Variants in MED1 observed in about 807,000 individuals in gnomAD.
The protein encoded by MED1 is mediator of RNA polymerase II transcription subunit 1.
Under a neutral mutation model 121.3 loss-of-function variants are expected in MED1, and 17 were observed. That is an observed-to-expected ratio of 0.14 (90% CI 0.10 to 0.21). MED1 has a LOEUF of 0.21. Among genes scored for constraint, MED1 ranks in the 10% least tolerant of loss-of-function variants. The pLI is 1.00. For missense variants in MED1, 1,558 were observed against 1,919.4 expected, an observed-to-expected ratio of 0.81 and a Z score of 3.52; for synonymous variants, 661 against 694.4, an observed-to-expected ratio of 0.95 and a Z score of 0.76.
intron 6 of MED1, 33 bp downstream of exon 6, chr17:39,439,132 C>T (rs761167476): frequency 6.3e-7 from 1 of 1,583,828 alleles, no homozygotes; most frequent in Non-Finnish European, 8.6e-7. Flanking sequence ...CACTGTCTGT[C>T]AATATCAAGG....
chr17:39,437,972 G>A lies in MED1; in HGVS notation c.428+1193C>T, dbSNP rs145525292. Among the ~76,000 whole-genome samples the A allele has an allele frequency of 9.7e-4, 148 of 151,898 alleles. 1 individual carries two copies. The highest frequency in any genetic ancestry group is 3.4e-3 in the African/African-American group (140 of 41,464). On this transcript the variant is annotated intron_variant, in intron 6 of 16. Transcript: ENST00000300651. The stretch of plus-strand genomic sequence containing the variant: ...AAAATAAAAATAAAAAAACAGAAAA[G>A]GGGCCAGGTGCTCAGTGAGCCGAGA...
chr17:39,424,276 C>T lies in MED1; in HGVS notation c.851+351G>A, dbSNP rs539941148. On this transcript the variant is annotated intron_variant, in intron 11 of 16. Coordinates refer to ENST00000300651, the MANE Select transcript of MED1 (RefSeq NM_004774.4). ...CTGTGAAACTTCCTACCCCCAATTCCCAGACATGCTATTGGTTAACACTGT... is the reference window on the plus strand; with the variant it reads ...CTGTGAAACTTCCTACCCCCAATTCTCAGACATGCTATTGGTTAACACTGT... 2.0e-5 allele frequency among the ~76,000 whole-genome samples: 3 copies of T among 152,272 alleles called. No homozygotes were observed. The East Asian group carries it at 5.8e-4, about 29-fold the overall frequency.
chr17:39,408,370 T>C lies in MED1; in HGVS notation c.3851A>G (p.Gln1284Arg), dbSNP rs1443131452. 6.2e-7 allele frequency: 1 copy of C among 1,614,190 alleles called. No individual in the cohort carries two copies. The highest frequency in any genetic ancestry group is 1.7e-5 in the Admixed American group (1 of 60,020). The change falls in exon 17 of 17, where the codon CAG becomes CGG. Residue 1284 changes from glutamine to arginine, a missense_variant. This residue lies in a region of MED1 where 793 missense variants were observed against 898.2 expected (regional missense o/e 0.88). Coordinates refer to ENST00000300651, the MANE Select transcript of MED1 (RefSeq NM_004774.4). This position sits in a 1 kb window ranked among gnomAD's most constrained non-coding sequence, Gnocchi z 4.7. ...TCCTTTAGAACTCCCATGCTGGTTC[T>C]GAGAGGATGACATGGAAGAGCCACT... ...SSSGSSMSSS[Q>R]NQHGSSKGKS...
chr17:39,417,234 G>T (rs1463137051), intron 14 of MED1, among the ~76,000 whole-genome samples: 3 of 152,038 alleles, frequency 2.0e-5, no homozygotes, highest in African/African-American at 4.8e-5. Flanking sequence ...GGAGGCTGAA[G>T]CAAGAGAATT....
intron 9 of MED1, 21 bp downstream of exon 9, chr17:39,431,094 A>C (rs753458987): frequency 6.3e-7 from 1 of 1,588,768 alleles, no homozygotes; most frequent in Non-Finnish European, 8.6e-7. Context: ...GTTTCTAAAC[A>C]AGCAAAATAG....
At position 39,418,448 on chromosome 17, in the gene MED1, G is replaced by A. The variant is rs974217944; in HGVS notation, c.1297+1269C>T. On this transcript the variant is annotated intron_variant, in intron 14 of 16. Transcript: ENST00000300651. Reference sequence around the variant, plus strand: ...CTTGGGAGGCTAAGGCAGGAGGATCGCTTGAGCCAAGGAGGTAGAGGCAGC... The same window carrying A: ...CTTGGGAGGCTAAGGCAGGAGGATCACTTGAGCCAAGGAGGTAGAGGCAGC... 4.6e-5 allele frequency among the ~76,000 whole-genome samples: 7 copies of A among 151,764 alleles called. No homozygotes were observed. The East Asian group carries it at 7.7e-4, about 17-fold the overall frequency.
At chr17:39,423,601 G>A in intron 12 of MED1, 96 bp downstream of exon 12, 2 of 1,532,716 alleles carry the variant, frequency 1.3e-6, no homozygotes, top group South Asian at 2.3e-5. Context: ...ATACTTCAAT[G>A]AGGCATGTAA....
chr17:39,421,246 AAAAAAAG>A (rs781239993), intron 13 of MED1, among the ~76,000 whole-genome samples: 7,257 of 137,630 alleles, frequency 0.053, 182 homozygotes, highest in Non-Finnish European at 0.078. Context: ...AGCAAAAAAA[AAAAAAAG>A]AAAAAAGAAA....
intron 7 of MED1, 63 bp from the exon 8 acceptor site, chr17:39,432,079 C>G: frequency 7.9e-7 from 1 of 1,258,246 alleles, no homozygotes. Context: ...CGGGGTGGCT[C>G]AGCCTGTAAT....
At chr17:39,445,094 CTT>C (rs2048713997) in intron 2 of MED1, among the ~76,000 whole-genome samples, 1 of 152,100 alleles carries the variant, frequency 6.6e-6, no homozygotes, top group Non-Finnish European at 1.5e-5. Flanking sequence ...TCTGAAATCT[CTT>C]GATTCTTGAC....
chr17:39,440,801 A>C lies in MED1; in HGVS notation c.212-124T>G. The C allele has an allele frequency of 1.1e-6, 1 of 927,588 alleles. No homozygotes were observed. The highest frequency in any genetic ancestry group is 1.7e-6 in the Non-Finnish European group (1 of 599,600). 57.5% of individuals were successfully genotyped at this position (927,588 alleles called of 1,614,324 possible). On this transcript the variant is annotated intron_variant, in intron 3 of 16. Coordinates refer to ENST00000300651, the MANE Select transcript of MED1 (RefSeq NM_004774.4). The surrounding 1 kb of genome is among the most constrained non-coding windows in gnomAD (Gnocchi z 4.1). The stretch of plus-strand genomic sequence containing the variant: ...ATATTCAGTAGTTCAAATGCTTGTA[A>C]TTTACATAAAGTTCACTGATTAGGG...
Position 39,405,661 on chromosome 17 carries a change from T to C in MED1, c.*1814A>G. ...TCTGATGTGGTTAATTGATAACTTT[T>C]CTTGCTCCACTTTACAATGTTTTGT... On this transcript the variant is annotated 3_prime_UTR_variant, in exon 17 of 17. Coordinates refer to ENST00000300651, the MANE Select transcript of MED1 (RefSeq NM_004774.4). The C allele has an allele frequency of 1.9e-6, 2 of 1,029,306 alleles. No individual in the cohort carries two copies. Among genetic ancestry groups the C allele is most frequent in the South Asian group, 4.3e-5 (1 of 23,016 alleles). 63.8% of individuals were successfully genotyped at this position (1,029,306 alleles called of 1,614,324 possible).
intron 3 of MED1, among the ~76,000 whole-genome samples, chr17:39,442,385 CAGG>C (rs2048684969): frequency 6.6e-6 from 1 of 151,504 alleles, no homozygotes; most frequent in African/African-American, 2.4e-5. Context: ...ATCACGAGGT[CAGG>C]AGATCTATAC....
Position 39,405,396 on chromosome 17 carries a change from T to A in MED1, c.*2079A>T. On this transcript the variant is annotated 3_prime_UTR_variant, in exon 17 of 17. Transcript: ENST00000300651. Reference sequence around the variant, plus strand: ...CTGCATGGGGGAGCTGAGCCCATGATACTATTCAGTACATTCCCCCTAAGA... The same window carrying A: ...CTGCATGGGGGAGCTGAGCCCATGAAACTATTCAGTACATTCCCCCTAAGA... The A allele has an allele frequency of 1.3e-6, 2 of 1,522,518 alleles. No individual in the cohort carries two copies. Among genetic ancestry groups the A allele is most frequent in the Non-Finnish European group, 1.8e-6 (2 of 1,129,494 alleles). The allele number at this position is 1,522,518 out of a possible 1,614,324, so 94.3% of individuals were successfully genotyped here.
chr17:39,436,329 C>A (rs1328960198), intron 6 of MED1, among the ~76,000 whole-genome samples: 2 of 149,108 alleles, frequency 1.3e-5, no homozygotes, highest in African/African-American at 2.5e-5. Flanking sequence ...CCACTGCACT[C>A]CAGCCTGGGC....
chr17:39,419,243 A>G (rs1190876103), intron 14 of MED1, among the ~76,000 whole-genome samples: 1 of 149,508 alleles, frequency 6.7e-6, no homozygotes, highest in Non-Finnish European at 1.5e-5. Context: ...CACCACCACA[A>G]CTGGCTACTT....
At position 39,419,705 on chromosome 17, in the gene MED1, GA is replaced by G; in HGVS notation, c.1297+11del. 6.2e-7 allele frequency: 1 copy of G among 1,602,098 alleles called. No homozygotes were observed. The highest frequency in any genetic ancestry group is 8.6e-7 in the Non-Finnish European group (1 of 1,169,260). ...CCATCTTCCAGTAAGCATATCAAAGGAAAGGCAGTACCTTCTTTCAGAATAG... is the reference window on the plus strand; with the variant it reads ...CCATCTTCCAGTAAGCATATCAAAGGAAGGCAGTACCTTCTTTCAGAATAG... On this transcript the variant is annotated intron_variant, in intron 14 of 16. Transcript: ENST00000300651.
chr17:39,421,487 T>C (rs990094279), intron 13 of MED1, among the ~76,000 whole-genome samples: 2 of 151,646 alleles, frequency 1.3e-5, no homozygotes, highest in African/African-American at 4.8e-5. Context: ...GAGGCGGAGG[T>C]TGCAGTGAGC....
chr17:39,430,554 G>A (rs941220405), intron 9 of MED1, among the ~76,000 whole-genome samples: 26 of 152,056 alleles, frequency 1.7e-4, no homozygotes, highest in Non-Finnish European at 2.8e-4. Context: ...TTAGCCAGGC[G>A]TGGTGGCGGG....
Sources: gnomAD v4.1 joint callset for allele counts (sites outside exome capture counted in the v4.1 genomes callset) on GRCh38, gnomAD v4.1.1 for gene constraint, gnomAD v4.1.1 regional missense constraint, Gnocchi (gnomAD v3.1) non-coding constraint, MANE v1.5 for transcripts, NCBI Gene and HGNC (gene_info 2026-07-23, HGNC 2026-07-21) for gene names.